Variants in TEAD1 observed in about 807,000 individuals in gnomAD.
TEAD1 encodes the protein transcriptional enhancer factor TEF-1.
TEAD1 carries 9 observed loss-of-function variants against 54.9 expected under a neutral mutation model. The observed-to-expected ratio is 0.16, with a 90% CI of 0.10 to 0.29. The LOEUF is 0.29. TEAD1 is among the 10% of genes least tolerant of loss of function. The pLI is 1.00. For synonymous variants in TEAD1, 200 were observed against 187.8 expected (o/e 1.07, Z -0.53); for missense variants, 387 against 535.9 (o/e 0.72, Z 2.74).
chr11:12,816,861 T>A (rs1376719557), intron 3 of TEAD1, among the ~76,000 whole-genome samples: 1 of 152,164 alleles, frequency 6.6e-6, no homozygotes, highest in East Asian at 1.9e-4. Context: ...ACAATGAGAA[T>A]GTAGAGAACC....
intron 3 of TEAD1, among the ~76,000 whole-genome samples, chr11:12,787,964 T>C (rs913291092): frequency 3.7e-5 from 2 of 53,862 alleles, no homozygotes; most frequent in African/African-American, 1.4e-4. Context: ...ATCTTTCACT[T>C]TTTTTTTTTT....
At chr11:12,864,029 C>T (rs1466192835) in intron 4 of TEAD1, among the ~76,000 whole-genome samples, 2 of 147,398 alleles carry the variant, frequency 1.4e-5, no homozygotes, top group Admixed American at 6.8e-5. Context: ...GGCGCCCAGT[C>T]AATACCCAAA....
intron 2 of TEAD1, among the ~76,000 whole-genome samples, chr11:12,686,942 G>A (rs902309796): frequency 1.3e-5 from 2 of 152,160 alleles, no homozygotes; most frequent in Admixed American, 6.5e-5. Flanking sequence ...AAACAATGGC[G>A]TCTAGACTTT....
intron 3 of TEAD1, among the ~76,000 whole-genome samples, chr11:12,848,428 C>T (rs1312003227): frequency 2.0e-5 from 3 of 152,088 alleles, no homozygotes; most frequent in African/African-American, 4.8e-5. Context: ...TGGATTCTGC[C>T]GCCATCTAAG....
intron 5 of TEAD1, among the ~76,000 whole-genome samples, chr11:12,868,130 C>T (rs75764678): frequency 3.9e-4 from 59 of 152,332 alleles, no homozygotes; most frequent in African/African-American, 1.3e-3. Context: ...CCAGATGTGT[C>T]TTCCTGGTGA....
rs1944684301 is a variant in TEAD1, at chr11:12,743,373, T to G, written c.-54-20806T>G. Among the ~76,000 whole-genome samples, 4 of 152,216 alleles carry G rather than the reference T, an allele frequency of 2.6e-5. No individual in the cohort carries two copies. In the South Asian group the frequency reaches 8.3e-4, roughly 32 times the overall value. On this transcript the variant is annotated intron_variant, in intron 2 of 12. Coordinates refer to ENST00000527636, the MANE Select transcript of TEAD1 (RefSeq NM_021961.6). The stretch of plus-strand genomic sequence containing the variant: ...CCTAACTCTTCTCTTATCCCCAGAC[T>G]TTAGTATTTCAGTATTTTTGATGAG...
At chr11:12,725,583 C>T (rs1353961070) in intron 2 of TEAD1, among the ~76,000 whole-genome samples, 2 of 150,958 alleles carry the variant, frequency 1.3e-5, no homozygotes, top group Admixed American at 6.6e-5. Context: ...ACATGCACCT[C>T]ATAAATACGT....
At chr11:12,795,442 C>G (rs539631647) in intron 3 of TEAD1, among the ~76,000 whole-genome samples, 1 of 152,176 alleles carries the variant, frequency 6.6e-6, no homozygotes, top group Admixed American at 6.5e-5. Flanking sequence ...CCATAACTCT[C>G]ATGTTGCATA....
At chr11:12,897,740 T>A (rs1948341161) in intron 9 of TEAD1, among the ~76,000 whole-genome samples, 1 of 152,270 alleles carries the variant, frequency 6.6e-6, no homozygotes, top group Non-Finnish European at 1.5e-5. Flanking sequence ...GATGCATTTG[T>A]GAATCATGTT....
chr11:12,719,648 A>G (rs1197220886), intron 2 of TEAD1, among the ~76,000 whole-genome samples: 2 of 152,082 alleles, frequency 1.3e-5, no homozygotes, highest in Admixed American at 1.3e-4. Flanking sequence ...ATTGAAAAAG[A>G]CAACCAAGGC....
At chr11:12,894,012 G>A (rs1354748058) in intron 9 of TEAD1, among the ~76,000 whole-genome samples, 1 of 152,172 alleles carries the variant, frequency 6.6e-6, no homozygotes, top group Non-Finnish European at 1.5e-5. Flanking sequence ...TGCCCTGGGG[G>A]GTAGGTGGAC....
At chr11:12,920,408 A>G (rs1948783417) in intron 10 of TEAD1, among the ~76,000 whole-genome samples, 1 of 152,130 alleles carries the variant, frequency 6.6e-6, no homozygotes, top group South Asian at 2.1e-4. Context: ...AAAACAATCT[A>G]TTTACTCTCC....
intron 3 of TEAD1, among the ~76,000 whole-genome samples, chr11:12,794,490 T>C (rs1485688159): frequency 1.3e-5 from 2 of 152,160 alleles, no homozygotes; most frequent in Admixed American, 1.3e-4. Context: ...CAAGGGAGAT[T>C]TGGAATATCC....
At chr11:12,815,343 A>G (rs2133994526) in intron 3 of TEAD1, among the ~76,000 whole-genome samples, 1 of 152,262 alleles carries the variant, frequency 6.6e-6, no homozygotes, top group East Asian at 1.9e-4. Context: ...AACATAAATA[A>G]TGCTCTCTCT....
chr11:12,707,428 T>A (rs1943842396), intron 2 of TEAD1, among the ~76,000 whole-genome samples: 1 of 152,198 alleles, frequency 6.6e-6, no homozygotes, highest in Admixed American at 6.5e-5. Context: ...CTTGAATTAG[T>A]TTTCACAAAG....
chr11:12,749,168 T>G (rs1326067953), intron 2 of TEAD1, among the ~76,000 whole-genome samples: 5 of 152,076 alleles, frequency 3.3e-5, no homozygotes, highest in Non-Finnish European at 5.9e-5. Flanking sequence ...TGGGGGACTT[T>G]TGGCTTCTGA....
At chr11:12,839,534 C>T (rs1340765398) in intron 3 of TEAD1, among the ~76,000 whole-genome samples, 4 of 152,160 alleles carry the variant, frequency 2.6e-5, no homozygotes, top group African/African-American at 7.2e-5. Flanking sequence ...TTATTATGTC[C>T]CAGGTGCTAG....
intron 2 of TEAD1, among the ~76,000 whole-genome samples, chr11:12,751,869 C>T (rs564192485): frequency 3.3e-5 from 5 of 152,170 alleles, no homozygotes; most frequent in Admixed American, 3.3e-4. Flanking sequence ...TCTGAGCACT[C>T]TCTGAGGGGC....
chr11:12,712,429 C>T (rs891212062), intron 2 of TEAD1, among the ~76,000 whole-genome samples: 29 of 152,270 alleles, frequency 1.9e-4, no homozygotes, highest in African/African-American at 6.7e-4. Flanking sequence ...GCATGATGAC[C>T]GCCATCCCAG....
Sources: allele counts gnomAD v4.1 joint callset (sites outside exome capture counted in the v4.1 genomes callset), GRCh38; gene constraint gnomAD v4.1.1; transcripts MANE v1.5; gene names NCBI Gene and HGNC (gene_info 2026-07-23, HGNC 2026-07-21).